The following DENND5A variants were observed in gnomAD, a reference collection of about 807,000 sequenced individuals.
DENND5A encodes the protein DENN domain-containing protein 5A.
In DENND5A, 64 loss-of-function variants were observed where a neutral mutation model predicts 140.3. The ratio of observed to expected loss-of-function variants is 0.46; its 90% CI spans 0.37 to 0.56. DENND5A has a LOEUF of 0.56. DENND5A is among the 20% of genes least tolerant of loss of function. The pLI is 0.00. For missense variants in DENND5A, 1,292 were observed against 1,593.8 expected (o/e 0.81, Z 3.22); for synonymous variants, 605 against 607.7 (o/e 1.00, Z 0.07).
At chr11:9,159,128 T>C (rs1847898277) in intron 12 of DENND5A, among the ~76,000 whole-genome samples, 1 of 152,176 alleles carries the variant, frequency 6.6e-6, no homozygotes, top group Admixed American at 6.5e-5. Flanking sequence ...GTCTGGCTTC[T>C]TTCACTTAGT....
intron 20 of DENND5A, 170 bp downstream of exon 20, chr11:9,143,233 C>T: frequency 1.4e-6 from 1 of 701,872 alleles, no homozygotes; most frequent in Non-Finnish European, 2.5e-6. Context: ...GCAAAGGCCC[C>T]CAGAGGAAGG....
At chr11:9,206,566 A>G in intron 3 of DENND5A, 107 bp downstream of exon 3, 1 of 812,646 alleles carries the variant, frequency 1.2e-6, no homozygotes, top group South Asian at 1.4e-5. Context: ...CCTTTCTTCA[A>G]AAGTTATTGG....
At chr11:9,237,339 T>C (rs1016740368) in intron 1 of DENND5A, among the ~76,000 whole-genome samples, 1 of 151,584 alleles carries the variant, frequency 6.6e-6, no homozygotes, top group African/African-American at 2.4e-5. Context: ...AGAATAGCTC[T>C]TGAACCCAGG....
intron 12 of DENND5A, among the ~76,000 whole-genome samples, chr11:9,159,372 G>C (rs1255065060): frequency 6.7e-6 from 1 of 149,046 alleles, no homozygotes; most frequent in Non-Finnish European, 1.5e-5. Context: ...CTAGGCTGGA[G>C]TGCAATGGTG....
At chr11:9,263,158 A>AT (rs1242422861) in intron 1 of DENND5A, among the ~76,000 whole-genome samples, 3 of 151,988 alleles carry the variant, frequency 2.0e-5, no homozygotes, top group Admixed American at 6.6e-5. Context: ...GAAATAGCTC[A>AT]TTTTTTTCTA....
At chr11:9,155,439 A>G (rs534265588) in intron 12 of DENND5A, among the ~76,000 whole-genome samples, 38 of 152,192 alleles carry the variant, frequency 2.5e-4, no homozygotes, top group Non-Finnish European at 4.7e-4. Flanking sequence ...ACTATACCAG[A>G]AGAAGGAAGC....
At chr11:9,255,035 C>T (rs1851886631) in intron 1 of DENND5A, among the ~76,000 whole-genome samples, 1 of 152,020 alleles carries the variant, frequency 6.6e-6, no homozygotes, top group Admixed American at 6.6e-5. Flanking sequence ...CGTGCTACTG[C>T]ACTCCAGCCT....
intron 1 of DENND5A, among the ~76,000 whole-genome samples, chr11:9,261,142 C>T (rs567935244): frequency 2.6e-5 from 4 of 152,166 alleles, no homozygotes; most frequent in Admixed American, 6.6e-5. Context: ...TGAGCTACTG[C>T]GCCCAGCCTC....
At chr11:9,163,080 T>C (rs1848045171) in intron 11 of DENND5A, among the ~76,000 whole-genome samples, 1 of 152,164 alleles carries the variant, frequency 6.6e-6, no homozygotes, top group South Asian at 2.1e-4. Flanking sequence ...CCATTTCCAT[T>C]GTTGTATAGC....
rs558587104 is a variant in DENND5A, at chr11:9,229,115, G to T, written c.110-21483C>A. Among the ~76,000 whole-genome samples, 69 of 152,270 alleles carry T rather than the reference G, an allele frequency of 4.5e-4. 1 individual carries two copies. Among genetic ancestry groups the T allele is most frequent in the African/African-American group, 1.7e-3 (69 of 41,550 alleles). On this transcript the variant is annotated intron_variant, in intron 1 of 22. Coordinates refer to ENST00000328194, the MANE Select transcript of DENND5A (RefSeq NM_015213.4). ...AGTGTGCACTAAGCCTAGGCAGTTA[G>T]TGTCAGAATTGAACTGAATTGGAAA... is the stretch of plus-strand genomic sequence containing the variant.
intron 1 of DENND5A, among the ~76,000 whole-genome samples, chr11:9,262,828 G>A (rs1022021546): frequency 1.2e-4 from 18 of 151,704 alleles, no homozygotes; most frequent in Non-Finnish European, 2.5e-4. Flanking sequence ...TGCGAGCTCC[G>A]CCTCCCGGGT....
intron 1 of DENND5A, among the ~76,000 whole-genome samples, chr11:9,227,235 T>G (rs1372073852): frequency 1.3e-5 from 2 of 151,964 alleles, no homozygotes; most frequent in East Asian, 3.8e-4. Flanking sequence ...GAGTGATATT[T>G]TCTCCACTCA....
intron 11 of DENND5A, 54 bp from the exon 12 acceptor site, chr11:9,160,919 C>A (rs1217404849): frequency 1.9e-6 from 3 of 1,578,910 alleles, no homozygotes; most frequent in African/African-American, 2.7e-5. Context: ...GGATTACATA[C>A]AACCGGAGAG....
rs796210132 is a variant in DENND5A at position 9,178,778 on chromosome 11, G to A, written c.1671+80C>T. On this transcript the variant is annotated intron_variant, in intron 7 of 22. Coordinates refer to ENST00000328194, the MANE Select transcript of DENND5A (RefSeq NM_015213.4). ...TATGATAATCTTCCATTACTTCTTC[G>A]AGTAATTTTCCATTACTTCTTCAAG... 2.1e-4 allele frequency: 245 copies of A among 1,176,452 alleles called. 1 individual carries two copies. The highest frequency in any genetic ancestry group is 1.9e-3 in the African/African-American group (124 of 66,004). The allele number at this position is 1,176,452 out of a possible 1,614,324, so 72.9% of individuals were successfully genotyped here.
chr11:9,182,845 T>C (rs1012997770), intron 5 of DENND5A, among the ~76,000 whole-genome samples: 3 of 152,200 alleles, frequency 2.0e-5, no homozygotes, highest in African/African-American at 7.2e-5. Context: ...TCTATAGCAC[T>C]GTAGGGTGAC....
chr11:9,153,274 G>A (rs537152986), intron 12 of DENND5A, among the ~76,000 whole-genome samples: 2 of 145,040 alleles, frequency 1.4e-5, no homozygotes, highest in Admixed American at 7.0e-5. Flanking sequence ...GAACCTGGGG[G>A]GCAGAGGTTG....
intron 1 of DENND5A, among the ~76,000 whole-genome samples, chr11:9,257,767 C>G (rs1564946467): frequency 6.6e-6 from 1 of 151,078 alleles, no homozygotes; most frequent in South Asian, 2.1e-4. Context: ...CAGGCGTGAG[C>G]CACCGCGCCC....
At chr11:9,139,886 G>A (rs776334245) in intron 22 of DENND5A, 32 bp from the exon 23 acceptor site, 1 of 1,603,836 alleles carries the variant, frequency 6.2e-7, no homozygotes, top group South Asian at 1.1e-5. Context: ...AGGCAGGTCA[G>A]AGGGGCAAAG....
At chr11:9,172,818 T>C (rs1848414640) in intron 8 of DENND5A, among the ~76,000 whole-genome samples, 1 of 152,088 alleles carries the variant, frequency 6.6e-6, no homozygotes. Context: ...CATCTTTTTT[T>C]TATTTTTATT....
Sources: gnomAD v4.1 joint callset for allele counts (sites outside exome capture counted in the v4.1 genomes callset) on GRCh38, gnomAD v4.1.1 for gene constraint, MANE v1.5 for transcripts, NCBI Gene and HGNC (gene_info 2026-07-23, HGNC 2026-07-21) for gene names.